HOGA1: variants seen among roughly 807,000 people sequenced by gnomAD.
The protein encoded by HOGA1 is 4-hydroxy-2-oxoglutarate aldolase, mitochondrial.
Under a neutral mutation model 34.3 loss-of-function variants are expected in HOGA1, and 30 were observed. That is an observed-to-expected ratio of 0.87 (90% CI 0.65 to 1.19). The LOEUF is 1.19. Ranked by LOEUF, HOGA1 falls within the 50% of genes most tolerant of loss-of-function variation. The pLI, the probability that HOGA1 is intolerant of heterozygous loss-of-function variation, is 0.00. For missense variants in HOGA1, 417 were observed against 436.5 expected, an observed-to-expected ratio of 0.96 and a Z score of 0.40; for synonymous variants, 161 against 174.0, an observed-to-expected ratio of 0.93 and a Z score of 0.59.
At chr10:97,595,810 G>A (rs1165035894) in intron 1 of HOGA1, among the ~76,000 whole-genome samples, 2 of 152,156 alleles carry the variant, frequency 1.3e-5, no homozygotes, top group African/African-American at 4.8e-5. Flanking sequence ...TCTTCTGTGA[G>A]CCCTCTGCTT....
At chr10:97,605,813 T>A (rs190880315) in intron 6 of HOGA1, among the ~76,000 whole-genome samples, 63 of 152,352 alleles carry the variant, frequency 4.1e-4, no homozygotes, top group African/African-American at 1.5e-3. Flanking sequence ...TAGTTCTTTA[T>A]AGCTTCTAAA....
intron 1 of HOGA1, among the ~76,000 whole-genome samples, chr10:97,598,432 T>C (rs918146109): frequency 6.6e-6 from 1 of 152,228 alleles, no homozygotes; most frequent in African/African-American, 2.4e-5. Flanking sequence ...AAAAATAGTA[T>C]TAAACAAACA....
chr10:97,590,451 AGC>A (rs1439835164), intron 1 of HOGA1: 1 of 1,613,896 alleles, frequency 6.2e-7, no homozygotes, highest in Non-Finnish European at 8.5e-7. Context: ...TTCCTCACCC[AGC>A]GGGAAAACAC....
At chr10:97,593,761 C>T (rs1034434850) in intron 1 of HOGA1, among the ~76,000 whole-genome samples, 3 of 152,090 alleles carry the variant, frequency 2.0e-5, no homozygotes, top group Non-Finnish European at 4.4e-5. Flanking sequence ...GCTGGGTAGC[C>T]GACTTGAGCT....
chr10:97,609,574 C>T (rs554487519), intron 6 of HOGA1, among the ~76,000 whole-genome samples: 1 of 152,286 alleles, frequency 6.6e-6, no homozygotes, highest in East Asian at 1.9e-4. Context: ...AGCTTGATGT[C>T]ACTCTATTGC....
intron 1 of HOGA1, among the ~76,000 whole-genome samples, chr10:97,595,340 T>C (rs1371378228): frequency 6.6e-6 from 1 of 152,224 alleles, no homozygotes; most frequent in African/African-American, 2.4e-5. Context: ...CAGCTAACAC[T>C]TATTGAGCAC....
intron 1 of HOGA1, chr10:97,590,093 A>T (rs558944969): frequency 2.5e-6 from 4 of 1,614,114 alleles, no homozygotes; most frequent in Non-Finnish European, 3.4e-6. Flanking sequence ...TGAGAGTGGG[A>T]GTGAAGAGGT....
Position 97,599,229 on chromosome 10 carries a change from C to A in HOGA1, c.468+13C>A. The A allele has an allele frequency of 6.2e-7, 1 of 1,613,836 alleles. No homozygotes were observed. Among genetic ancestry groups the A allele is most frequent in the Non-Finnish European group, 8.5e-7 (1 of 1,179,958 alleles). ...CCACTACACCAAGGTGTGTGTGAGGCCTGAGACCAAGAGGAGGCTCTGCCC... is the reference window on the plus strand; with the variant it reads ...CCACTACACCAAGGTGTGTGTGAGGACTGAGACCAAGAGGAGGCTCTGCCC... On this transcript the variant is annotated intron_variant, in intron 3 of 6. Transcript: ENST00000370646.
rs1340430115 is a variant in HOGA1, at chr10:97,602,065, G to T, written c.834+75G>T. 7.1e-6 allele frequency: 11 copies of T among 1,557,016 alleles called. No individual in the cohort carries two copies. In the African/African-American group the frequency reaches 1.5e-4, roughly 21 times the overall value. On this transcript the variant is annotated intron_variant, in intron 6 of 6. Transcript: ENST00000370646. Reference sequence around the variant, plus strand: ...TGTCCTCATTGGAGCAGGACCCAGGGCTGGCACCAGGCCCCACTCAGTCTC... The same window carrying T: ...TGTCCTCATTGGAGCAGGACCCAGGTCTGGCACCAGGCCCCACTCAGTCTC...
chr10:97,604,455 G>C (rs943709937), intron 6 of HOGA1, among the ~76,000 whole-genome samples: 1 of 152,202 alleles, frequency 6.6e-6, no homozygotes. Flanking sequence ...CCAAGTAGCT[G>C]GGACAACAGG....
intron 6 of HOGA1, among the ~76,000 whole-genome samples, chr10:97,607,659 G>GATAT (rs534197367): frequency 6.6e-6 from 1 of 151,904 alleles, no homozygotes; most frequent in African/African-American, 2.4e-5. Context: ...ATAATGTCCA[G>GATAT]ATATATATAT....
In HOGA1 at chr10:97,611,834, T is replaced by G; in HGVS notation, c.*175T>G. On this transcript the variant is annotated 3_prime_UTR_variant, in exon 7 of 7. Transcript: ENST00000370646. Reference sequence around the variant, plus strand: ...TTTCACAGGCACGCCCATGCATATCTCCTATTCTAACGGCCCCTGACCTCT... The same window carrying G: ...TTTCACAGGCACGCCCATGCATATCGCCTATTCTAACGGCCCCTGACCTCT... 2.9e-6 allele frequency: 2 copies of G among 678,456 alleles called. No individual in the cohort carries two copies. 42.0% of individuals were successfully genotyped at this position (678,456 alleles called of 1,614,324 possible).
intron 1 of HOGA1, chr10:97,590,766 G>A (rs2041015348): frequency 3.2e-6 from 2 of 624,216 alleles, no homozygotes; most frequent in South Asian, 2.1e-5. Flanking sequence ...AGTGGGGTCT[G>A]CCACAGAAGA....
In HOGA1 at chr10:97,584,625, T is replaced by G; in HGVS notation, c.-79T>G. On this transcript the variant is annotated 5_prime_UTR_variant, in exon 1 of 7. Transcript: ENST00000370646. ...AATTTTTAACTAGAAACATTGATCA[T>G]TAATAGGGGGTTAGAAAGAGTTCAA... is the stretch of plus-strand genomic sequence containing the variant. The G allele has an allele frequency of 1.6e-6, 2 of 1,273,962 alleles. No homozygotes were observed. Among genetic ancestry groups the G allele is most frequent in the Non-Finnish European group, 2.2e-6 (2 of 906,832 alleles). The allele number at this position is 1,273,962 out of a possible 1,614,324, so 78.9% of individuals were successfully genotyped here.
intron 1 of HOGA1, among the ~76,000 whole-genome samples, chr10:97,586,872 C>T (rs1419834219): frequency 6.6e-6 from 1 of 152,222 alleles, no homozygotes; most frequent in African/African-American, 2.4e-5. Flanking sequence ...TGATCACTCA[C>T]CCACACACCA....
chr10:97,588,804 G>T lies in HOGA1; in HGVS notation c.211+3890G>T, dbSNP rs564605703. Among the ~76,000 whole-genome samples the T allele has an allele frequency of 7.1e-4, 108 of 151,970 alleles. No individual in the cohort carries two copies. The South Asian group carries it at 0.022, about 31-fold the overall frequency. On this transcript the variant is annotated intron_variant, in intron 1 of 6. Coordinates refer to ENST00000370646, the MANE Select transcript of HOGA1 (RefSeq NM_138413.4). ...ATTACTCTGTTAAAGAAAATATTTT[G>T]TTTAAAGCATCACAATGTTTACAAC...
At position 97,584,763 on chromosome 10, in the gene HOGA1, G is replaced by A. The variant is rs776319977; in HGVS notation, c.60G>A (p.Arg20=). ...VRQGLSRSLS[R]NVGVWASGEG... ...AGGGGCTAAGCAGGAGCTTGTCCAGGAATGTGGGGGTCTGGGCCTCAGGGG... is the reference window on the plus strand; with the variant it reads ...AGGGGCTAAGCAGGAGCTTGTCCAGAAATGTGGGGGTCTGGGCCTCAGGGG... The change falls in exon 1 of 7, where the codon AGG becomes AGA. Residue 20 remains arginine, a synonymous_variant. Transcript: ENST00000370646. The A allele has an allele frequency of 1.2e-6, 2 of 1,613,482 alleles. No homozygotes were observed. The highest frequency in any genetic ancestry group is 8.5e-7 in the Non-Finnish European group (1 of 1,179,774).
chr10:97,607,058 C>A (rs1218242170), intron 6 of HOGA1, among the ~76,000 whole-genome samples: 1 of 149,260 alleles, frequency 6.7e-6, no homozygotes, highest in Non-Finnish European at 1.5e-5. Flanking sequence ...TTGCTTGAGG[C>A]CAGGAGTTTG....
intron 1 of HOGA1, 75 bp from the exon 2 acceptor site, chr10:97,598,700 C>A (rs544055876): frequency 1.8e-4 from 275 of 1,554,126 alleles, no homozygotes; most frequent in Non-Finnish European, 2.2e-4. Flanking sequence ...ATTATGGTGT[C>A]GTAAGGTAGG....
Sources: allele counts gnomAD v4.1 joint callset (sites outside exome capture counted in the v4.1 genomes callset), GRCh38; gene constraint gnomAD v4.1.1; transcripts MANE v1.5; gene names NCBI Gene and HGNC (gene_info 2026-07-23, HGNC 2026-07-21).